ADAM19: variants seen among roughly 807,000 people sequenced by gnomAD.
ADAM19 encodes the protein disintegrin and metalloproteinase domain-containing protein 19.
Under a neutral mutation model 114.7 loss-of-function variants are expected in ADAM19, and 65 were observed. The ratio of observed to expected loss-of-function variants is 0.57; its 90% CI spans 0.46 to 0.70. The LOEUF is 0.70. Ranked by LOEUF, ADAM19 falls within the 30% of genes least tolerant of loss-of-function variation. The pLI, the probability that ADAM19 is intolerant of heterozygous loss-of-function variation, is 0.00. For missense variants in ADAM19, 1,063 were observed against 1,204.7 expected (o/e 0.88, Z 1.74); for synonymous variants, 466 against 460.5 (o/e 1.01, Z -0.15).
At chr5:157,508,384 G>C (rs1297665796) in intron 9 of ADAM19, among the ~76,000 whole-genome samples, 1 of 152,138 alleles carries the variant, frequency 6.6e-6, no homozygotes, top group African/African-American at 2.4e-5. Flanking sequence ...CGAGGCGGGC[G>C]GATCACTTGA....
In ADAM19 at chr5:157,530,798, G is replaced by A; in HGVS notation, c.407+9C>T. On this transcript the variant is annotated intron_variant, in intron 5 of 22. Transcript: ENST00000257527. ...GCCCGGTGCCACCTGCAGCCTCAGG[G>A]TCTCTTACCTAATTCCTCGGCAAGT... 2 of 1,613,042 alleles carry A rather than the reference G, an allele frequency of 1.2e-6. No homozygotes were observed. Among genetic ancestry groups the A allele is most frequent in the Non-Finnish European group, 1.7e-6 (2 of 1,179,044 alleles).
chr5:157,564,269 G>T, intron 3 of ADAM19, 104 bp downstream of exon 3: 2 of 1,028,062 alleles, frequency 1.9e-6, no homozygotes, highest in Non-Finnish European at 3.1e-6. Context: ...CTGAGAGCTT[G>T]GGGTCACTCC....
At chr5:157,491,500 ACAAAAT>A in intron 18 of ADAM19, 109 bp downstream of exon 18, 1 of 762,810 alleles carries the variant, frequency 1.3e-6, no homozygotes, top group Non-Finnish European at 2.0e-6. Flanking sequence ...TTTCCTCTCT[ACAAAAT>A]CAGGACAATG....
At chr5:157,542,479 A>T (rs1272057456) in intron 3 of ADAM19, among the ~76,000 whole-genome samples, 1 of 152,234 alleles carries the variant, frequency 6.6e-6, no homozygotes, top group Non-Finnish European at 1.5e-5. Flanking sequence ...CTGGAAATGA[A>T]GCAAAAGATG....
At chr5:157,571,956 A>C (rs1484734987) in intron 1 of ADAM19, among the ~76,000 whole-genome samples, 2 of 152,340 alleles carry the variant, frequency 1.3e-5, no homozygotes, top group African/African-American at 4.8e-5. Flanking sequence ...TCACTGCATC[A>C]AGTTACATTA....
intron 3 of ADAM19, among the ~76,000 whole-genome samples, chr5:157,560,611 T>G (rs1757486024): frequency 6.6e-6 from 1 of 152,250 alleles, no homozygotes; most frequent in Admixed American, 6.5e-5. Flanking sequence ...TGGAGCAATA[T>G]GTCTGACATA....
chr5:157,507,020 G>A (rs777307750), intron 10 of ADAM19, 36 bp downstream of exon 10: 100 of 1,569,966 alleles, frequency 6.4e-5, no homozygotes, highest in Non-Finnish European at 6.2e-5. Flanking sequence ...GCAGCTCAGC[G>A]CCTTCTGCAG....
intron 3 of ADAM19, among the ~76,000 whole-genome samples, chr5:157,555,902 T>C (rs986972219): frequency 1.3e-5 from 2 of 152,356 alleles, no homozygotes; most frequent in South Asian, 4.1e-4. Context: ...GCCTCTGTGA[T>C]CACATCACTG....
At chr5:157,505,892 C>A in intron 10 of ADAM19, 84 bp from the exon 11 acceptor site, 1 of 1,472,044 alleles carries the variant, frequency 6.8e-7, no homozygotes, top group Non-Finnish European at 9.2e-7. Context: ...TTAGCCAAGT[C>A]TTGCAGGTCT....
At chr5:157,495,771 T>A (rs531654286) in intron 14 of ADAM19, among the ~76,000 whole-genome samples, 39 of 152,036 alleles carry the variant, frequency 2.6e-4, no homozygotes, top group Admixed American at 2.6e-3. Context: ...GTAGCTGGAA[T>A]TACAGGCGTC....
chr5:157,481,984 C>T (rs1754768548), intron 21 of ADAM19, 41 bp from the exon 22 acceptor site: 2 of 1,481,880 alleles, frequency 1.3e-6, no homozygotes, highest in South Asian at 2.7e-5. Context: ...GGCCAGAGGC[C>T]TGTTTGAAAG....
chr5:157,566,746 C>A (rs1417821224), intron 2 of ADAM19: 1 of 152,206 alleles, frequency 6.6e-6, no homozygotes. Flanking sequence ...AGTGCAGTGG[C>A]ACAATCACGG....
chr5:157,538,286 C>T (rs1280714646), intron 3 of ADAM19, among the ~76,000 whole-genome samples: 1 of 152,168 alleles, frequency 6.6e-6, no homozygotes, highest in East Asian at 1.9e-4. Flanking sequence ...CCTGGGAAAA[C>T]AGACATGCAA....
chr5:157,502,520 AAGAC>A (rs1025166503), intron 12 of ADAM19, among the ~76,000 whole-genome samples: 13 of 152,350 alleles, frequency 8.5e-5, no homozygotes, highest in African/African-American at 3.1e-4. Flanking sequence ...TCCACTGAGG[AAGAC>A]AGAGTCAACA....
chr5:157,538,439 G>C (rs1408497100), intron 3 of ADAM19, among the ~76,000 whole-genome samples: 3 of 152,226 alleles, frequency 2.0e-5, no homozygotes, highest in Non-Finnish European at 4.4e-5. Flanking sequence ...ATTTTGGTGA[G>C]ATTGTCAATC....
At chr5:157,550,015 C>G (rs1006038263) in intron 3 of ADAM19, among the ~76,000 whole-genome samples, 2 of 152,216 alleles carry the variant, frequency 1.3e-5, no homozygotes, top group African/African-American at 2.4e-5. Flanking sequence ...ATTGTATAAT[C>G]CCATTTACAT....
At position 157,537,962 on chromosome 5, in the gene ADAM19, G is replaced by C; in HGVS notation, c.281C>G (p.Thr94Ser). Residue 94 changes from threonine to serine, a missense_variant, in exon 4 of 23, where the codon ACC becomes AGC. Thr to Ser is a moderately conservative substitution (Grantham distance 58). Coordinates refer to ENST00000257527, the MANE Select transcript of ADAM19 (RefSeq NM_033274.5). The stretch of plus-strand genomic sequence containing the variant: ...AGGGTTACCACTTGAAGTATAATGG[G>C]TTTCTGTGTAGGAAGGAGCAAAAAG... ...EQLFAPSYTE[T>S]HYTSSGNPQT... 1.9e-6 allele frequency: 3 copies of C among 1,614,054 alleles called. No individual in the cohort carries two copies. The highest frequency in any genetic ancestry group is 2.5e-6 in the Non-Finnish European group (3 of 1,179,996).
rs1754677658 is a variant in ADAM19, at chr5:157,479,201, A to G, written c.*1748T>C. 1 of 985,772 alleles carries G rather than the reference A, an allele frequency of 1.0e-6. No individual in the cohort carries two copies. Among genetic ancestry groups the G allele is most frequent in the South Asian group, 4.7e-5 (1 of 21,286 alleles). The allele number at this position is 985,772 out of a possible 1,614,324, so 61.1% of individuals were successfully genotyped here. A position where few individuals can be genotyped will look rare whatever the true frequency, so the allele number is the denominator to read the frequency against. On this transcript the variant is annotated 3_prime_UTR_variant, in exon 23 of 23. Transcript: ENST00000257527. Reference sequence around the variant, plus strand: ...GAGGGAAGAGAAACTCATTTTCCTGAGATCTTTCTAAACCCAACCCAGGCT... The same window carrying G: ...GAGGGAAGAGAAACTCATTTTCCTGGGATCTTTCTAAACCCAACCCAGGCT...
intron 3 of ADAM19, among the ~76,000 whole-genome samples, chr5:157,543,543 A>G (rs1343871999): frequency 6.6e-6 from 1 of 152,200 alleles, no homozygotes; most frequent in Non-Finnish European, 1.5e-5. Flanking sequence ...AACAAATGTG[A>G]AAGAATTATT....
Sources: allele counts gnomAD v4.1 joint callset (sites outside exome capture counted in the v4.1 genomes callset), GRCh38; gene constraint gnomAD v4.1.1; transcripts MANE v1.5; gene names NCBI Gene and HGNC (gene_info 2026-07-23, HGNC 2026-07-21).